Variants in GALNT17 observed in about 807,000 individuals in gnomAD.
GALNT17 encodes the protein UDP-GalNAc:polypeptide N-acetylgalactosaminyltransferase-like 3.
In GALNT17, 29 loss-of-function variants were observed where a neutral mutation model predicts 63.7. The observed-to-expected ratio is 0.46, with a 90% CI of 0.34 to 0.62. The LOEUF (loss-of-function observed/expected upper bound fraction) is 0.62, where lower values mean the gene tolerates loss of function less well. Among genes scored for constraint, GALNT17 ranks in the 20% least tolerant of loss-of-function variants. GALNT17 has a pLI of 0.01. For missense variants in GALNT17, 603 were observed against 799.6 expected (o/e 0.75, Z 2.97); for synonymous variants, 305 against 318.3 (o/e 0.96, Z 0.45).
intron 5 of GALNT17, among the ~76,000 whole-genome samples, chr7:71,430,377 G>A (rs1786839633): frequency 6.6e-6 from 1 of 152,150 alleles, no homozygotes; most frequent in African/African-American, 2.4e-5. Flanking sequence ...CTCGTAGCTT[G>A]AGAACTGCTG....
intron 6 of GALNT17, among the ~76,000 whole-genome samples, chr7:71,630,167 C>G (rs1790434846): frequency 6.6e-6 from 1 of 151,994 alleles, no homozygotes; most frequent in African/African-American, 2.4e-5. Context: ...CTTGGCCTCC[C>G]AAAGGGCTGG....
At chr7:71,490,585 C>T (rs1368762834) in intron 5 of GALNT17, among the ~76,000 whole-genome samples, 1 of 151,940 alleles carries the variant, frequency 6.6e-6, no homozygotes, top group Non-Finnish European at 1.5e-5. Flanking sequence ...GGCAACATAG[C>T]CAGATGCCAT....
At chr7:71,206,302 C>A (rs1789270791) in intron 1 of GALNT17, among the ~76,000 whole-genome samples, 1 of 151,946 alleles carries the variant, frequency 6.6e-6, no homozygotes, top group Non-Finnish European at 1.5e-5. Context: ...GATCTCCCAC[C>A]TTCCCCAGTC....
At chr7:71,173,034 G>T (rs1275765922) in intron 1 of GALNT17, among the ~76,000 whole-genome samples, 2 of 152,184 alleles carry the variant, frequency 1.3e-5, no homozygotes, top group African/African-American at 4.8e-5. Flanking sequence ...TTGCTATCCT[G>T]ATTATGATTG....
intron 2 of GALNT17, among the ~76,000 whole-genome samples, chr7:71,339,847 A>T (rs566833704): frequency 2.0e-5 from 3 of 152,292 alleles, no homozygotes; most frequent in African/African-American, 4.8e-5. Context: ...TGGCTTGAAC[A>T]TACCATTTAC....
chr7:71,263,554 T>C (rs1790427001), intron 1 of GALNT17, among the ~76,000 whole-genome samples: 1 of 152,172 alleles, frequency 6.6e-6, no homozygotes, highest in African/African-American at 2.4e-5. Flanking sequence ...TAGAGCCTCC[T>C]TGGGTTTTCC....
chr7:71,360,780 C>A (rs910906857), intron 2 of GALNT17, among the ~76,000 whole-genome samples: 1 of 151,994 alleles, frequency 6.6e-6, no homozygotes, highest in African/African-American at 2.4e-5. Context: ...TAAAAAAAAC[C>A]CACAAAAATT....
Position 71,473,294 on chromosome 7 carries a change from G to T in GALNT17, c.962+52189G>T, listed in dbSNP as rs368177934. Among the ~76,000 whole-genome samples, 6 of 152,108 alleles carry T rather than the reference G, an allele frequency of 3.9e-5. No homozygotes were observed. In the East Asian group the frequency reaches 5.8e-4, roughly 15 times the overall value. On this transcript the variant is annotated intron_variant, in intron 5 of 10. Coordinates refer to ENST00000333538, the MANE Select transcript of GALNT17 (RefSeq NM_022479.3). ...GAATAGATGTTAAATATCTCTTTTC[G>T]GACCTTAATTTAGTGTCAGACTCTT...
intron 5 of GALNT17, among the ~76,000 whole-genome samples, chr7:71,514,208 A>G (rs1788410649): frequency 6.6e-6 from 1 of 152,022 alleles, no homozygotes; most frequent in African/African-American, 2.4e-5. Context: ...AAGCAACACC[A>G]CCAACAAAAA....
intron 1 of GALNT17, among the ~76,000 whole-genome samples, chr7:71,230,656 G>A (rs1789771222): frequency 6.6e-6 from 1 of 152,172 alleles, no homozygotes; most frequent in Non-Finnish European, 1.5e-5. Flanking sequence ...GAGCCTTGGT[G>A]TCTGGGCACC....
chr7:71,604,618 A>G (rs76002434), intron 6 of GALNT17, among the ~76,000 whole-genome samples: 17,894 of 152,108 alleles, frequency 0.12, 1,661 homozygotes, highest in African/African-American at 0.27. Flanking sequence ...TCAATTAACT[A>G]CCATGCGATA....
At chr7:71,636,742 C>T (rs953463153) in intron 6 of GALNT17, among the ~76,000 whole-genome samples, 2 of 152,152 alleles carry the variant, frequency 1.3e-5, no homozygotes, top group African/African-American at 2.4e-5. Flanking sequence ...ACATTTTTCT[C>T]CAGTCTTATT....
intron 5 of GALNT17, among the ~76,000 whole-genome samples, chr7:71,451,140 C>T (rs1402380234): frequency 6.6e-6 from 1 of 152,072 alleles, no homozygotes; most frequent in Non-Finnish European, 1.5e-5. Context: ...TCCAAGTGTT[C>T]TCATTGTTCA....
chr7:71,593,910 C>T (rs977149670), intron 6 of GALNT17, among the ~76,000 whole-genome samples: 3 of 152,168 alleles, frequency 2.0e-5, no homozygotes, highest in South Asian at 2.1e-4. Context: ...TTTCTGGGGG[C>T]GCGTTCAGAT....
intron 5 of GALNT17, among the ~76,000 whole-genome samples, chr7:71,567,623 C>T (rs927431733): frequency 4.6e-5 from 7 of 152,182 alleles, no homozygotes; most frequent in Non-Finnish European, 1.0e-4. Flanking sequence ...CACCACCACG[C>T]CCAGCTAATT....
intron 1 of GALNT17, among the ~76,000 whole-genome samples, chr7:71,216,563 C>T (rs1435328333): frequency 1.4e-5 from 2 of 141,762 alleles, no homozygotes; most frequent in Non-Finnish European, 3.2e-5. Context: ...ATGTAACACA[C>T]ATATACACAC....
intron 1 of GALNT17, among the ~76,000 whole-genome samples, chr7:71,298,636 G>A (rs1249443241): frequency 6.6e-6 from 1 of 151,786 alleles, no homozygotes; most frequent in Non-Finnish European, 1.5e-5. Flanking sequence ...TATTTCTAAG[G>A]GTAAAGGTGT....
At chr7:71,162,103 TCCTTCCTC>T (rs1788355082) in intron 1 of GALNT17, among the ~76,000 whole-genome samples, 4 of 74,110 alleles carry the variant, frequency 5.4e-5, no homozygotes, top group African/African-American at 2.6e-4. Flanking sequence ...CTCCCTCCCT[TCCTTCCTC>T]CCTCCCTCCC....
chr7:71,411,520 T>G (rs1793430076), intron 3 of GALNT17, among the ~76,000 whole-genome samples: 1 of 152,182 alleles, frequency 6.6e-6, no homozygotes, highest in Non-Finnish European at 1.5e-5. Context: ...ACTCATTCAC[T>G]TTAAGGTGAA....
Sources: allele counts gnomAD v4.1 joint callset (sites outside exome capture counted in the v4.1 genomes callset), GRCh38; gene constraint gnomAD v4.1.1; transcripts MANE v1.5; gene names NCBI Gene and HGNC (gene_info 2026-07-23, HGNC 2026-07-21).